HNRNPD: variants seen among roughly 807,000 people sequenced by gnomAD.
The protein encoded by HNRNPD is heterogeneous nuclear ribonucleoprotein D0.
In HNRNPD, 3 loss-of-function variants were observed where a neutral mutation model predicts 47.9. The observed-to-expected ratio is 0.06, with a 90% CI of 0.03 to 0.16. HNRNPD has a LOEUF of 0.16. HNRNPD is among the 10% of genes least tolerant of loss of function. HNRNPD has a pLI of 1.00. For synonymous variants in HNRNPD, 171 were observed against 165.1 expected, an observed-to-expected ratio of 1.04 and a Z score of -0.28; for missense variants, 287 against 454.2, an observed-to-expected ratio of 0.63 and a Z score of 3.35.
intron 7 of HNRNPD, 173 bp from the exon 8 acceptor site, chr4:82,355,574 A>G: frequency 1.7e-6 from 1 of 594,138 alleles, no homozygotes; most frequent in Non-Finnish European, 3.0e-6. Flanking sequence ...TAGTGAATGC[A>G]TACAATGGCA....
intron 2 of HNRNPD, among the ~76,000 whole-genome samples, chr4:82,362,310 T>C (rs147683531): frequency 1.4e-3 from 217 of 152,328 alleles, no homozygotes; most frequent in Admixed American, 2.9e-3. Flanking sequence ...GCAGAGTAAG[T>C]AGCCAGCTGT....
chr4:82,355,124 G>A, intron 8 of HNRNPD, 180 bp downstream of exon 8: 2 of 582,364 alleles, frequency 3.4e-6, no homozygotes, highest in Admixed American at 3.3e-5. Context: ...TTAATAATAG[G>A]ACAAAAAGGC....
Position 82,373,643 on chromosome 4 carries a change from C to A in HNRNPD, c.36G>T (p.Ala12=). 1 of 1,526,466 alleles carries A rather than the reference C, an allele frequency of 6.6e-7. No homozygotes were observed. Among genetic ancestry groups the A allele is most frequent in the Non-Finnish European group, 8.7e-7 (1 of 1,143,142 alleles). 94.6% of individuals were successfully genotyped at this position (1,526,466 alleles called of 1,614,324 possible). A position where few individuals can be genotyped will look rare whatever the true frequency, so the allele number is the denominator to read the frequency against. The change falls in exon 1 of 9, where the codon GCG becomes GCT. Residue 12 remains alanine, a synonymous_variant. Transcript: ENST00000313899. The part of the protein sequence containing the change: ...SEEQFGGDGA[A]AAATAAVGGS... ...CGCCTACCGCCGCCGTTGCCGCTGC[C>A]GCCGCCCCGTCCCCGCCGAACTGCT...
chr4:82,356,586 T>A lies in HNRNPD; in HGVS notation c.951A>T (p.Gly317=). ...AGTTGTTGTAACCAGTGTAGTCATA[T>A]CCTCCATAACCACCGTAACCTTGGC... ...YNSQGYGGYG[G]YDYTGYNNYY... is the part of the protein sequence containing the mutation. Residue 317 remains glycine, a synonymous_variant, in exon 7 of 9, where the codon GGA becomes GGT. Coordinates refer to ENST00000313899, the MANE Select transcript of HNRNPD (RefSeq NM_031370.3). 1 of 1,611,416 alleles carries A rather than the reference T, an allele frequency of 6.2e-7. No individual in the cohort carries two copies. The highest frequency in any genetic ancestry group is 8.5e-7 in the Non-Finnish European group (1 of 1,179,248).
At chr4:82,371,037 A>G (rs1365018706) in intron 2 of HNRNPD, among the ~76,000 whole-genome samples, 1 of 151,954 alleles carries the variant, frequency 6.6e-6, no homozygotes, top group Non-Finnish European at 1.5e-5. Context: ...CAAATATGCT[A>G]GGTAAAAGAC....
intron 2 of HNRNPD, among the ~76,000 whole-genome samples, chr4:82,370,128 G>C (rs1719965311): frequency 6.6e-6 from 1 of 152,116 alleles, no homozygotes; most frequent in South Asian, 2.1e-4. Context: ...GGCAACAAAA[G>C]CTAAACTCCG....
intron 1 of HNRNPD, among the ~76,000 whole-genome samples, chr4:82,372,518 G>A (rs1351790561): frequency 6.6e-6 from 1 of 151,960 alleles, no homozygotes; most frequent in Non-Finnish European, 1.5e-5. Flanking sequence ...TGGGCACCGG[G>A]AAAAAAAGGG....
At chr4:82,370,456 G>A (rs553081691) in intron 2 of HNRNPD, among the ~76,000 whole-genome samples, 2 of 152,254 alleles carry the variant, frequency 1.3e-5, no homozygotes, top group African/African-American at 4.8e-5. Context: ...AGCTAGCAGT[G>A]AAATTGAGCT....
chr4:82,368,345 G>T (rs966879579), intron 2 of HNRNPD, among the ~76,000 whole-genome samples: 1 of 152,014 alleles, frequency 6.6e-6, no homozygotes, highest in African/African-American at 2.4e-5. Context: ...GACGATAGCA[G>T]AGTACCCAGG....
chr4:82,370,716 G>A (rs1578058038), intron 2 of HNRNPD, among the ~76,000 whole-genome samples: 1 of 152,124 alleles, frequency 6.6e-6, no homozygotes, highest in African/African-American at 2.4e-5. Context: ...CAAGTTAGTG[G>A]CCTTCTACTC....
chr4:82,357,016 A>C (rs778146673), intron 5 of HNRNPD, 121 bp from the exon 6 acceptor site: 101 of 873,694 alleles, frequency 1.2e-4, no homozygotes, highest in Non-Finnish European at 1.6e-4. Context: ...AACTTTCCTC[A>C]GTCAGTTTAT....
chr4:82,373,318 C>A, intron 1 of HNRNPD, 128 bp downstream of exon 1: 3 of 1,239,844 alleles, frequency 2.4e-6, no homozygotes, highest in Non-Finnish European at 3.3e-6. Context: ...AAAGGGAGAC[C>A]AGTGCAAGGA....
intron 2 of HNRNPD, among the ~76,000 whole-genome samples, chr4:82,361,984 G>C (rs1719469521): frequency 6.6e-6 from 1 of 152,132 alleles, no homozygotes; most frequent in Non-Finnish European, 1.5e-5. Flanking sequence ...AGAATAAGGA[G>C]CCAAGTATTA....
At chr4:82,356,272 T>A in intron 7 of HNRNPD, 2 of 364,502 alleles carry the variant, frequency 5.5e-6, no homozygotes, top group Non-Finnish European at 9.8e-6. Flanking sequence ...TTAAAAGATC[T>A]GAACTGAGCT....
chr4:82,355,575 T>C lies in HNRNPD; in HGVS notation c.1001-174A>G, dbSNP rs536926542. 3.7e-5 allele frequency: 22 copies of C among 593,868 alleles called. No individual in the cohort carries two copies. The African/African-American group carries it at 3.9e-4, about 11-fold the overall frequency. 36.8% of individuals were successfully genotyped at this position (593,868 alleles called of 1,614,324 possible). ...ATTTACCAAATATGTAGTGAATGCATACAATGGCAGGCATTCAGAATGAGC... is the reference window on the plus strand; with the variant it reads ...ATTTACCAAATATGTAGTGAATGCACACAATGGCAGGCATTCAGAATGAGC... On this transcript the variant is annotated intron_variant, in intron 7 of 8. Coordinates refer to ENST00000313899, the MANE Select transcript of HNRNPD (RefSeq NM_031370.3).
rs114079195 is a variant in HNRNPD, at chr4:82,364,468, C to T, written c.291-4829G>A. On this transcript the variant is annotated intron_variant, in intron 2 of 8. Coordinates refer to ENST00000313899, the MANE Select transcript of HNRNPD (RefSeq NM_031370.3). Reference sequence around the variant, plus strand: ...TTGAAGGGGTAAAGCACTATAAGCACTATCTAAACATAATTTAATAAAGCA... The same window carrying T: ...TTGAAGGGGTAAAGCACTATAAGCATTATCTAAACATAATTTAATAAAGCA... 8.1e-3 allele frequency among the ~76,000 whole-genome samples: 1,235 copies of T among 152,256 alleles called. 13 individuals are homozygous for T. Among genetic ancestry groups the T allele is most frequent in the African/African-American group, 0.029 (1,189 of 41,544 alleles).
intron 2 of HNRNPD, among the ~76,000 whole-genome samples, chr4:82,366,090 G>C (rs1294565335): frequency 6.6e-6 from 1 of 152,078 alleles, no homozygotes; most frequent in Non-Finnish European, 1.5e-5. Flanking sequence ...GTGTGAAAAA[G>C]AATTCCATTT....
intron 2 of HNRNPD, among the ~76,000 whole-genome samples, chr4:82,365,465 G>A (rs1004193965): frequency 6.6e-6 from 1 of 151,876 alleles, no homozygotes; most frequent in Non-Finnish European, 1.5e-5. Flanking sequence ...GGGAAGGGAG[G>A]AGGTTACAAT....
Position 82,353,865 on chromosome 4 carries a change from A to G in HNRNPD, c.*320T>C, listed in dbSNP as rs1723610975. The G allele has an allele frequency of 6.6e-6, 1 of 152,656 alleles. No individual in the cohort carries two copies. Among genetic ancestry groups the G allele is most frequent in the Non-Finnish European group, 1.5e-5 (1 of 68,036 alleles). The allele number at this position is 152,656 out of a possible 1,614,324, so 9.5% of individuals were successfully genotyped here. A position where few individuals can be genotyped will look rare whatever the true frequency, so the allele number is the denominator to read the frequency against. On this transcript the variant is annotated 3_prime_UTR_variant, in exon 9 of 9. Transcript: ENST00000313899. ...AAGGATTTATTAAAAAACCAGTAAG[A>G]CACTACTACATCATGACACTGTCAC...
Sources: allele counts gnomAD v4.1 joint callset (sites outside exome capture counted in the v4.1 genomes callset), GRCh38; gene constraint gnomAD v4.1.1; transcripts MANE v1.5; gene names NCBI Gene and HGNC (gene_info 2026-07-23, HGNC 2026-07-21).